The following CTIF variants were observed in gnomAD, a reference collection of about 807,000 sequenced individuals.
CTIF encodes CBP80/20-dependent translation initiation factor.
Under a neutral mutation model 66.0 loss-of-function variants are expected in CTIF, and 21 were observed. That is an observed-to-expected ratio of 0.32 (90% CI 0.23 to 0.46). The LOEUF (loss-of-function observed/expected upper bound fraction) is 0.46, where lower values mean the gene tolerates loss of function less well. Among genes scored for constraint, CTIF ranks in the 20% least tolerant of loss-of-function variants. The pLI is 1.00. For synonymous variants in CTIF, 345 were observed against 326.4 expected (o/e 1.06, Z -0.62); for missense variants, 739 against 812.7 (o/e 0.91, Z 1.10).
chr18:48,805,601 A>T lies in CTIF; in HGVS notation c.1372-11620A>T, dbSNP rs190776127. Among the ~76,000 whole-genome samples the T allele has an allele frequency of 4.6e-5, 7 of 152,316 alleles. No individual in the cohort carries two copies. The East Asian group carries it at 5.8e-4, about 13-fold the overall frequency. ...TGAAGCAACCCTGGGAAGGGGGAAA[A>T]AAAATCCAATAAGCCAAGAAACATC... On this transcript the variant is annotated intron_variant, in intron 9 of 11. Transcript: ENST00000256413.
At chr18:48,584,223 C>T (rs2143855809) in intron 1 of CTIF, among the ~76,000 whole-genome samples, 1 of 152,260 alleles carries the variant, frequency 6.6e-6, no homozygotes, top group Middle Eastern at 3.4e-3. Flanking sequence ...TATGATCACC[C>T]TTTGAGATTT....
chr18:48,542,313 TATGGCTGTGTTC>T (rs2088640413), intron 1 of CTIF, among the ~76,000 whole-genome samples: 1 of 152,274 alleles, frequency 6.6e-6, no homozygotes, highest in East Asian at 1.9e-4. Flanking sequence ...CCTGTGTTTG[TATGGCTGTGTTC>T]ATTGAGTCTT....
chr18:48,553,553 C>T (rs780942573), intron 1 of CTIF, among the ~76,000 whole-genome samples: 1 of 152,162 alleles, frequency 6.6e-6, no homozygotes, highest in African/African-American at 2.4e-5. Context: ...TCCCACGAGG[C>T]GTTCGTGATT....
At chr18:48,707,238 A>G (rs1430139095) in intron 6 of CTIF, among the ~76,000 whole-genome samples, 1 of 152,234 alleles carries the variant, frequency 6.6e-6, no homozygotes, top group Admixed American at 6.5e-5. Flanking sequence ...TTTAAAGGAT[A>G]CATTTCCCAT....
intron 6 of CTIF, among the ~76,000 whole-genome samples, chr18:48,686,182 A>G (rs2091837980): frequency 6.6e-6 from 1 of 152,212 alleles, no homozygotes; most frequent in African/African-American, 2.4e-5. Flanking sequence ...TTTCTGCTAT[A>G]AAGATCTTTC....
chr18:48,664,028 C>A (rs1240885648), intron 4 of CTIF, among the ~76,000 whole-genome samples: 1 of 152,116 alleles, frequency 6.6e-6, no homozygotes, highest in Non-Finnish European at 1.5e-5. Flanking sequence ...ATGGGGAGGG[C>A]CCCCGGGATG....
intron 1 of CTIF, among the ~76,000 whole-genome samples, chr18:48,603,394 GAT>G (rs1438713547): frequency 2.0e-4 from 30 of 147,212 alleles, no homozygotes; most frequent in Admixed American, 4.1e-4. Flanking sequence ...TGGATGGATG[GAT>G]ATGTGAATGA....
chr18:48,549,165 A>T (rs1400307424), intron 1 of CTIF, among the ~76,000 whole-genome samples: 1 of 152,136 alleles, frequency 6.6e-6, no homozygotes, highest in East Asian at 1.9e-4. Flanking sequence ...CATAGGGGTG[A>T]TGGGGGAGGT....
At chr18:48,765,166 T>G (rs1449336472) in intron 9 of CTIF, among the ~76,000 whole-genome samples, 1 of 152,200 alleles carries the variant, frequency 6.6e-6, no homozygotes, top group African/African-American at 2.4e-5. Flanking sequence ...GGGATGTCTT[T>G]TTTCACCTGA....
intron 9 of CTIF, among the ~76,000 whole-genome samples, chr18:48,812,558 T>C (rs1038599775): frequency 6.6e-6 from 1 of 151,942 alleles, no homozygotes; most frequent in Non-Finnish European, 1.5e-5. Flanking sequence ...AAAAAGAAAA[T>C]TCAGCGGGGG....
At chr18:48,854,518 C>G (rs1005322193) in intron 10 of CTIF, among the ~76,000 whole-genome samples, 1 of 152,310 alleles carries the variant, frequency 6.6e-6, no homozygotes, top group South Asian at 2.1e-4. Context: ...AGGCCTGACC[C>G]GTCTTGCTCT....
chr18:48,806,404 C>T (rs1216247121), intron 9 of CTIF, among the ~76,000 whole-genome samples: 1 of 152,150 alleles, frequency 6.6e-6, no homozygotes, highest in African/African-American at 2.4e-5. Flanking sequence ...AGTGCACTTT[C>T]TCCTCCCCAC....
chr18:48,789,339 G>A (rs1378431080), intron 9 of CTIF, among the ~76,000 whole-genome samples: 1 of 151,888 alleles, frequency 6.6e-6, no homozygotes, highest in African/African-American at 2.4e-5. Flanking sequence ...CTGGTAAGAT[G>A]AGGATGGTAA....
intron 3 of CTIF, among the ~76,000 whole-genome samples, chr18:48,654,951 A>C (rs1173732351): frequency 6.6e-6 from 1 of 151,996 alleles, no homozygotes; most frequent in Non-Finnish European, 1.5e-5. Flanking sequence ...AGGGCGGGGA[A>C]CATCACACCC....
chr18:48,695,275 A>G (rs1250778254), intron 6 of CTIF, among the ~76,000 whole-genome samples: 1 of 152,230 alleles, frequency 6.6e-6, no homozygotes, highest in African/African-American at 2.4e-5. Flanking sequence ...AGCCACATTC[A>G]TTATTCATTC....
At chr18:48,840,235 G>A (rs1470701871) in intron 10 of CTIF, among the ~76,000 whole-genome samples, 2 of 152,184 alleles carry the variant, frequency 1.3e-5, no homozygotes, top group African/African-American at 4.8e-5. Flanking sequence ...CCTTAGACCT[G>A]TGAACAGACG....
intron 3 of CTIF, among the ~76,000 whole-genome samples, chr18:48,662,974 A>G (rs1165320002): frequency 6.6e-6 from 1 of 152,108 alleles, no homozygotes; most frequent in African/African-American, 2.4e-5. Context: ...CGCTTTCTGT[A>G]CATGTCTTTT....
chr18:48,632,540 C>T (rs1434524021), intron 2 of CTIF, among the ~76,000 whole-genome samples: 1 of 152,178 alleles, frequency 6.6e-6, no homozygotes, highest in Non-Finnish European at 1.5e-5. Context: ...CAATGTGGGA[C>T]CCTCCTTCCC....
At chr18:48,672,983 C>A (rs1435154092) in intron 6 of CTIF, among the ~76,000 whole-genome samples, 1 of 152,190 alleles carries the variant, frequency 6.6e-6, no homozygotes, top group Non-Finnish European at 1.5e-5. Flanking sequence ...TTCCCTCTGC[C>A]TAAAATCTCA....
Sources: allele counts gnomAD v4.1 joint callset (sites outside exome capture counted in the v4.1 genomes callset), GRCh38; gene constraint gnomAD v4.1.1; transcripts MANE v1.5; gene names NCBI Gene and HGNC (gene_info 2026-07-23, HGNC 2026-07-21).